Variants in STK39 observed in about 807,000 individuals in gnomAD.
The protein encoded by STK39 is serine/threonine kinase 39.
A neutral mutation model predicts 77.8 loss-of-function variants in STK39; 20 were observed. That is an observed-to-expected ratio of 0.26 (90% CI 0.18 to 0.37). The LOEUF (loss-of-function observed/expected upper bound fraction) is 0.37, where lower values mean the gene tolerates loss of function less well. Ranked by LOEUF, STK39 falls within the 10% of genes least tolerant of loss-of-function variation. STK39 has a pLI of 1.00. For missense variants in STK39, 479 were observed against 656.5 expected, an observed-to-expected ratio of 0.73 and a Z score of 2.95; for synonymous variants, 246 against 234.1, an observed-to-expected ratio of 1.05 and a Z score of -0.47.
At chr2:168,238,978 A>C (rs1690689000) in intron 1 of STK39, among the ~76,000 whole-genome samples, 1 of 152,198 alleles carries the variant, frequency 6.6e-6, no homozygotes, top group African/African-American at 2.4e-5. Flanking sequence ...ACTTTCCCAA[A>C]AAGTACACTG....
intron 16 of STK39, among the ~76,000 whole-genome samples, chr2:168,002,256 T>C (rs924030347): frequency 6.6e-6 from 1 of 152,232 alleles, no homozygotes; most frequent in African/African-American, 2.4e-5. Context: ...GCTTACAGTG[T>C]GGTTTACTGC....
chr2:168,089,383 A>G (rs1174400589), intron 10 of STK39, among the ~76,000 whole-genome samples: 1 of 152,254 alleles, frequency 6.6e-6, no homozygotes, highest in Non-Finnish European at 1.5e-5. Flanking sequence ...AACACAAACA[A>G]CATGGAAGCA....
In STK39 at chr2:168,247,560, C is replaced by CCGCCGCCGCCGCCGT. The variant is rs1433788072; in HGVS notation, c.-126_-125insACGGCGGCGGCGGCG. On this transcript the variant is annotated 5_prime_UTR_variant, in exon 1 of 18. Transcript: ENST00000355999. The stretch of plus-strand genomic sequence containing the variant: ...CCCTCCCCGCCCGCCGCCGCCGCCG[C>CCGCCGCCGCCGCCGT]CGTCCCCGCCGAAGCCAGCTAGGAG... 5.4e-6 allele frequency: 4 copies of CCGCCGCCGCCGCCGT among 740,726 alleles called. No individual in the cohort carries two copies. Among genetic ancestry groups the CCGCCGCCGCCGCCGT allele is most frequent in the Non-Finnish European group, 6.9e-6 (4 of 578,504 alleles). The allele number at this position is 740,726 out of a possible 1,614,324, so 45.9% of individuals were successfully genotyped here.
intron 10 of STK39, among the ~76,000 whole-genome samples, chr2:168,099,867 A>G (rs1257352797): frequency 6.6e-6 from 1 of 152,222 alleles, no homozygotes; most frequent in African/African-American, 2.4e-5. Flanking sequence ...CATAGCAACA[A>G]TGCAATTTCA....
chr2:168,039,368 G>A (rs1685043580), intron 14 of STK39, among the ~76,000 whole-genome samples: 1 of 19,288 alleles, frequency 5.2e-5, no homozygotes, highest in African/African-American at 1.1e-4. Context: ...CGAGGCGGGT[G>A]GATCATGAGG....
chr2:168,073,775 T>C (rs1183161950), intron 12 of STK39, among the ~76,000 whole-genome samples: 3 of 152,110 alleles, frequency 2.0e-5, no homozygotes, highest in Admixed American at 6.5e-5. Context: ...CCTGCCACCA[T>C]GCCCAGCTAA....
At chr2:168,241,165 G>C (rs1690748782) in intron 1 of STK39, among the ~76,000 whole-genome samples, 1 of 152,206 alleles carries the variant, frequency 6.6e-6, no homozygotes, top group African/African-American at 2.4e-5. Context: ...AAACATAAGA[G>C]ACAGGCTTGA....
At chr2:168,092,099 G>GAGC (rs1282060462) in intron 10 of STK39, among the ~76,000 whole-genome samples, 1 of 152,166 alleles carries the variant, frequency 6.6e-6, no homozygotes, top group Non-Finnish European at 1.5e-5. Flanking sequence ...GTCTCTCTTA[G>GAGC]AGCCATCATA....
intron 8 of STK39, among the ~76,000 whole-genome samples, chr2:168,133,052 G>C (rs1687741628): frequency 6.6e-6 from 1 of 152,150 alleles, no homozygotes; most frequent in South Asian, 2.1e-4. Flanking sequence ...AGAGGACAGA[G>C]GAAGTGCCAA....
intron 14 of STK39, among the ~76,000 whole-genome samples, chr2:168,027,619 T>C (rs1210783987): frequency 1.3e-5 from 2 of 152,188 alleles, no homozygotes; most frequent in Admixed American, 6.5e-5. Flanking sequence ...CATGCACACG[T>C]GTGTGCATGA....
intron 13 of STK39, among the ~76,000 whole-genome samples, chr2:168,064,904 T>C (rs1325423221): frequency 6.6e-6 from 1 of 152,218 alleles, no homozygotes; most frequent in Non-Finnish European, 1.5e-5. Context: ...TACTGGACTA[T>C]TATTTTTACA....
At position 167,965,779 on chromosome 2, in the gene STK39, T is replaced by A. The variant is rs369487380; in HGVS notation, c.1499-1053A>T. Among the ~76,000 whole-genome samples, 13 of 152,294 alleles carry A rather than the reference T, an allele frequency of 8.5e-5. No homozygotes were observed. In the South Asian group the frequency reaches 2.7e-3, roughly 32 times the overall value. On this transcript the variant is annotated intron_variant, in intron 16 of 17. Coordinates refer to ENST00000355999, the MANE Select transcript of STK39 (RefSeq NM_013233.3). Reference sequence around the variant, plus strand: ...TTTTTAAGATAAAAAAATTTTAAGATAAAATAGTACACATACAAGTATTTT... The same window carrying A: ...TTTTTAAGATAAAAAAATTTTAAGAAAAAATAGTACACATACAAGTATTTT...
In STK39 at chr2:168,136,097, G is replaced by A. The variant is rs142106096; in HGVS notation, c.974+1991C>T. On this transcript the variant is annotated intron_variant, in intron 8 of 17. Transcript: ENST00000355999. ...TAAGAAATAAAAATGGACCGGGTGC[G>A]GTAGCTCATGCCTGTAATCCCAGCA... Among the ~76,000 whole-genome samples the A allele has an allele frequency of 1.1e-3, 172 of 151,702 alleles. 1 individual carries two copies. The highest frequency in any genetic ancestry group is 3.9e-3 in the African/African-American group (162 of 41,396).
At chr2:168,021,784 A>ATT (rs776609425) in intron 14 of STK39, among the ~76,000 whole-genome samples, 181 of 142,620 alleles carry the variant, frequency 1.3e-3, no homozygotes, top group Middle Eastern at 3.6e-3. Flanking sequence ...CAGAAAGGAC[A>ATT]TTTATTTTTT....
At chr2:168,189,386 C>T (rs1489334504) in intron 1 of STK39, among the ~76,000 whole-genome samples, 1 of 148,966 alleles carries the variant, frequency 6.7e-6, no homozygotes, top group Non-Finnish European at 1.5e-5. Flanking sequence ...CACCTTGGAC[C>T]ACAAGCTACA....
intron 14 of STK39, among the ~76,000 whole-genome samples, chr2:168,053,579 T>C (rs116222258): frequency 0.011 from 1,608 of 152,300 alleles, 36 homozygotes; most frequent in African/African-American, 0.037. Context: ...CTCTATGCAT[T>C]CTCTGTTGCT....
At chr2:168,150,105 C>T (rs940881536) in intron 5 of STK39, among the ~76,000 whole-genome samples, 1 of 152,182 alleles carries the variant, frequency 6.6e-6, no homozygotes. Flanking sequence ...GAACGCACAT[C>T]GAAGAAGAGA....
intron 10 of STK39, among the ~76,000 whole-genome samples, chr2:168,107,357 T>C (rs1257046012): frequency 6.6e-6 from 1 of 152,216 alleles, no homozygotes; most frequent in East Asian, 1.9e-4. Flanking sequence ...TTTGAAAGGT[T>C]TGGGAATTTG....
intron 14 of STK39, among the ~76,000 whole-genome samples, chr2:168,025,890 G>A (rs752658533): frequency 4.6e-5 from 7 of 152,148 alleles, no homozygotes; most frequent in East Asian, 1.9e-4. Context: ...AGACTCCTTC[G>A]GGAATTGAAG....
Sources: allele counts gnomAD v4.1 joint callset (sites outside exome capture counted in the v4.1 genomes callset), GRCh38; gene constraint gnomAD v4.1.1; transcripts MANE v1.5; gene names NCBI Gene and HGNC (gene_info 2026-07-23, HGNC 2026-07-21).